Variants in INPP4B observed in about 807,000 individuals in gnomAD.
The protein encoded by INPP4B is inositol polyphosphate 4-phosphatase type II.
INPP4B carries 55 observed loss-of-function variants against 122.5 expected under a neutral mutation model. The ratio of observed to expected loss-of-function variants is 0.45; its 90% CI spans 0.36 to 0.56. The LOEUF is 0.56. INPP4B is among the 20% of genes least tolerant of loss of function. The pLI, the probability that INPP4B is intolerant of heterozygous loss-of-function variation, is 0.00. For missense variants in INPP4B, 1,000 were observed against 1,097.7 expected (o/e 0.91, Z 1.26); for synonymous variants, 403 against 388.7 (o/e 1.04, Z -0.43).
intron 16 of INPP4B, among the ~76,000 whole-genome samples, chr4:142,172,241 C>T (rs1825986743): frequency 6.6e-6 from 1 of 151,894 alleles, no homozygotes; most frequent in African/African-American, 2.4e-5. Context: ...TGGAGTCATC[C>T]AGATCTGGGT....
chr4:142,781,139 G>C (rs1774755466), intron 1 of INPP4B, among the ~76,000 whole-genome samples: 1 of 152,194 alleles, frequency 6.6e-6, no homozygotes, highest in South Asian at 2.1e-4. Context: ...AAGAGTGGTT[G>C]TTAGGAAAGT....
intron 7 of INPP4B, among the ~76,000 whole-genome samples, chr4:142,396,973 A>T (rs1799573890): frequency 6.6e-6 from 1 of 152,208 alleles, no homozygotes; most frequent in Admixed American, 6.5e-5. Flanking sequence ...TTCTAGAAAA[A>T]TGGAAATGGT....
intron 14 of INPP4B, among the ~76,000 whole-genome samples, chr4:142,205,231 T>C (rs1229563502): frequency 6.6e-6 from 1 of 152,142 alleles, no homozygotes; most frequent in African/African-American, 2.4e-5. Flanking sequence ...TTGGTGGAAG[T>C]ATTTTAAGGT....
chr4:142,249,392 A>G (rs1325322937), intron 11 of INPP4B, among the ~76,000 whole-genome samples: 6 of 151,664 alleles, frequency 4.0e-5, no homozygotes, highest in Admixed American at 4.0e-4. Context: ...GAATTAAGAA[A>G]TTTACACAGA....
chr4:142,669,030 T>C (rs955059088), intron 2 of INPP4B, among the ~76,000 whole-genome samples: 1 of 152,004 alleles, frequency 6.6e-6, no homozygotes, highest in African/African-American at 2.4e-5. Context: ...TGCTCCAGCC[T>C]GGATGACAGA....
intron 2 of INPP4B, among the ~76,000 whole-genome samples, chr4:142,556,709 G>GA (rs35034437): frequency 5.3e-5 from 8 of 151,600 alleles, no homozygotes; most frequent in African/African-American, 1.7e-4. Context: ...TGTTATTTAG[G>GA]AAAAAAAATG....
At chr4:142,561,734 C>G (rs1730521235) in intron 2 of INPP4B, among the ~76,000 whole-genome samples, 2 of 152,096 alleles carry the variant, frequency 1.3e-5, no homozygotes, top group African/African-American at 4.8e-5. Context: ...GTTAAAGTTT[C>G]TAAAGTTGAT....
chr4:142,726,331 A>G (rs1188163543), intron 1 of INPP4B, among the ~76,000 whole-genome samples: 2 of 152,242 alleles, frequency 1.3e-5, no homozygotes, highest in Non-Finnish European at 1.5e-5. Context: ...GCTAGTGAGC[A>G]TGGGTTTTAA....
chr4:142,225,706 G>A (rs990676073), intron 12 of INPP4B, among the ~76,000 whole-genome samples: 61 of 151,912 alleles, frequency 4.0e-4, no homozygotes, highest in African/African-American at 1.5e-3. Flanking sequence ...ATATAGGAAT[G>A]AAAGGGGGCA....
intron 1 of INPP4B, among the ~76,000 whole-genome samples, chr4:142,758,952 C>CAA (rs374234375): frequency 0.023 from 2,217 of 96,752 alleles, 67 homozygotes; most frequent in African/African-American, 0.073. Context: ...GACTCAGTCT[C>CAA]AAAAAAAAAA....
At chr4:142,409,900 T>C (rs1489578) in intron 5 of INPP4B, among the ~76,000 whole-genome samples, 43,105 of 152,192 alleles carry the variant, frequency 0.28, 7,600 homozygotes, top group South Asian at 0.46. Context: ...TCTGCTCCAG[T>C]AGTTCTCACT....
At chr4:142,654,072 G>C (rs1287137424) in intron 2 of INPP4B, among the ~76,000 whole-genome samples, 1 of 152,122 alleles carries the variant, frequency 6.6e-6, no homozygotes, top group Admixed American at 6.5e-5. Context: ...CCTTTGTAGG[G>C]ACATGGATGA....
chr4:142,792,742 C>A (rs1776728207), intron 1 of INPP4B, among the ~76,000 whole-genome samples: 1 of 152,014 alleles, frequency 6.6e-6, no homozygotes, highest in South Asian at 2.1e-4. Flanking sequence ...CACACAAAGC[C>A]AGTGGGGATG....
chr4:142,214,612 G>A (rs753255950), intron 12 of INPP4B, among the ~76,000 whole-genome samples: 3 of 152,182 alleles, frequency 2.0e-5, no homozygotes, highest in South Asian at 2.1e-4. Context: ...AAATACGGTG[G>A]TGTGATCTCA....
intron 2 of INPP4B, among the ~76,000 whole-genome samples, chr4:142,556,587 C>G (rs537809244): frequency 6.6e-6 from 1 of 152,134 alleles, no homozygotes; most frequent in Non-Finnish European, 1.5e-5. Flanking sequence ...AAAATGGGGT[C>G]CCCTGGGAAG....
chr4:142,640,257 A>C (rs761015729), intron 2 of INPP4B, among the ~76,000 whole-genome samples: 3 of 152,310 alleles, frequency 2.0e-5, no homozygotes, highest in Non-Finnish European at 2.9e-5. Context: ...TCTTGAAAAA[A>C]AGGGACAAGG....
intron 5 of INPP4B, among the ~76,000 whole-genome samples, chr4:142,411,433 A>G (rs1280190651): frequency 6.6e-6 from 1 of 152,180 alleles, no homozygotes; most frequent in Non-Finnish European, 1.5e-5. Context: ...CTAGAGCCCA[A>G]TATAGTCTGA....
chr4:142,553,700 C>CT (rs1728492512), intron 2 of INPP4B, among the ~76,000 whole-genome samples: 1 of 152,174 alleles, frequency 6.6e-6, no homozygotes, highest in Non-Finnish European at 1.5e-5. Flanking sequence ...TATTGCTGTT[C>CT]TTCCCTTCTC....
intron 18 of INPP4B, among the ~76,000 whole-genome samples, chr4:142,142,042 G>A (rs1364693118): frequency 1.3e-5 from 2 of 151,878 alleles, no homozygotes; most frequent in East Asian, 3.9e-4. Flanking sequence ...ACAACATGAA[G>A]AATAACATCA....
Sources: allele counts gnomAD v4.1 joint callset (sites outside exome capture counted in the v4.1 genomes callset), GRCh38; gene constraint gnomAD v4.1.1; transcripts MANE v1.5; gene names NCBI Gene and HGNC (gene_info 2026-07-23, HGNC 2026-07-21).